MAP4K3: variants seen among roughly 807,000 people sequenced by gnomAD.
MAP4K3 encodes mitogen-activated protein kinase kinase kinase kinase 3.
MAP4K3 carries 94 observed loss-of-function variants against 143.5 expected under a neutral mutation model. The observed-to-expected ratio is 0.65, with a 90% CI of 0.55 to 0.78. The LOEUF (loss-of-function observed/expected upper bound fraction) is 0.78. Among genes scored for constraint, MAP4K3 ranks in the 30% least tolerant of loss-of-function variants. The probability of loss-of-function intolerance (pLI) is 0.00; values close to 1 mark genes in which losing one functional copy is unlikely to be tolerated. For synonymous variants in MAP4K3, 416 were observed against 347.2 expected (o/e 1.20, Z -2.20); for missense variants, 1,077 against 1,068.1 (o/e 1.01, Z -0.12).
At position 39,288,176 on chromosome 2, in the gene MAP4K3, T is replaced by C. The variant is rs769914055; in HGVS notation, c.1419A>G (p.Gln473=). The change falls in exon 20 of 34, where the codon CAA becomes CAG. Residue 473 remains glutamine (Q), a synonymous_variant. Transcript: ENST00000263881. ...TGGGAGGTGGTGGTCTAGGTGGAAC[T>C]TGGGATGGCTTTGCTGGGCTCCCTG... ...PMSGSPAKPS[Q]VPPRPPPPRL... is the part of the protein sequence containing the mutation. The C allele has an allele frequency of 5.0e-6, 8 of 1,614,060 alleles. No individual in the cohort carries two copies. Among genetic ancestry groups the C allele is most frequent in the Non-Finnish European group, 5.9e-6 (7 of 1,180,022 alleles).
intron 31 of MAP4K3, among the ~76,000 whole-genome samples, chr2:39,257,386 C>T (rs1194660834): frequency 6.6e-6 from 1 of 152,138 alleles, no homozygotes; most frequent in East Asian, 1.9e-4. Context: ...ATTCTCTGAG[C>T]AGCAGACACA....
rs78310928 is a variant in MAP4K3, at chr2:39,437,120, G to GGCC, written c.-136_-134dup. The GGCC allele has an allele frequency of 0.018, 9,049 of 513,014 alleles. 190 individuals carry two copies. The highest frequency in any genetic ancestry group is 0.097 in the East Asian group (2,514 of 25,906). The allele number at this position is 513,014 out of a possible 1,614,324, so 31.8% of individuals were successfully genotyped here. On this transcript the variant is annotated 5_prime_UTR_variant, in exon 1 of 34. Transcript: ENST00000263881. The stretch of plus-strand genomic sequence containing the variant: ...TCACAATCACCCGGCTCCACGCTGC[G>GGCC]GCCGCCGCCGCCGCCGCCGCTCCCC...
chr2:39,263,275 T>G (rs1680636818), intron 28 of MAP4K3, among the ~76,000 whole-genome samples: 1 of 149,036 alleles, frequency 6.7e-6, no homozygotes, highest in Non-Finnish European at 1.5e-5. Context: ...TATAGAAGTT[T>G]TTTTTTTTTT....
chr2:39,356,789 A>G (rs1665623391), intron 2 of MAP4K3, among the ~76,000 whole-genome samples: 1 of 152,230 alleles, frequency 6.6e-6, no homozygotes, highest in African/African-American at 2.4e-5. Context: ...TATGCCTTGG[A>G]CATAATCATC....
At chr2:39,361,955 G>T (rs1482505407) in intron 2 of MAP4K3, among the ~76,000 whole-genome samples, 1 of 151,610 alleles carries the variant, frequency 6.6e-6, no homozygotes, top group Middle Eastern at 3.2e-3. Flanking sequence ...TGAGATAAAA[G>T]ACCTGAAAAA....
intron 27 of MAP4K3, among the ~76,000 whole-genome samples, chr2:39,265,700 G>T (rs138942710): frequency 6.6e-6 from 1 of 152,128 alleles, no homozygotes; most frequent in East Asian, 1.9e-4. Flanking sequence ...TGGTTCACAA[G>T]GTGCTTTTGG....
At chr2:39,283,249 A>G (rs1681617729) in intron 21 of MAP4K3, among the ~76,000 whole-genome samples, 1 of 152,150 alleles carries the variant, frequency 6.6e-6, no homozygotes, top group Non-Finnish European at 1.5e-5. Flanking sequence ...CAGAGTGTAC[A>G]TATCACATCA....
intron 26 of MAP4K3, among the ~76,000 whole-genome samples, chr2:39,270,162 G>C (rs1023564863): frequency 3.3e-5 from 5 of 152,176 alleles, no homozygotes; most frequent in African/African-American, 1.2e-4. Flanking sequence ...AGTTCTGAAA[G>C]ACCATAGGGA....
rs1664999403 is a variant in MAP4K3 at position 39,337,433 on chromosome 2, T to C, written c.366+93A>G. Reference sequence around the variant, plus strand: ...ATTTTAAGAGTTTACCAAACTAAAATATTTAGTTCTTACTTTGCTGAACAG... The same window carrying C: ...ATTTTAAGAGTTTACCAAACTAAAACATTTAGTTCTTACTTTGCTGAACAG... On this transcript the variant is annotated intron_variant, in intron 5 of 33. Coordinates refer to ENST00000263881, the MANE Select transcript of MAP4K3 (RefSeq NM_003618.4). 7.2e-6 allele frequency: 6 copies of C among 833,218 alleles called. No individual in the cohort carries two copies. In the South Asian group the frequency reaches 9.1e-5, roughly 13 times the overall value. 51.6% of individuals were successfully genotyped at this position (833,218 alleles called of 1,614,324 possible). A position where few individuals can be genotyped will look rare whatever the true frequency, so the allele number is the denominator to read the frequency against.
intron 12 of MAP4K3, among the ~76,000 whole-genome samples, chr2:39,322,784 C>T (rs1021906669): frequency 1.1e-4 from 16 of 151,700 alleles, no homozygotes; most frequent in Admixed American, 1.3e-4. Context: ...ATTCTCTTGC[C>T]ACAGCCCCCT....
At chr2:39,434,895 T>C (rs538502435) in intron 1 of MAP4K3, among the ~76,000 whole-genome samples, 12 of 152,220 alleles carry the variant, frequency 7.9e-5, no homozygotes, top group Non-Finnish European at 1.8e-4. Context: ...AATGACAAGA[T>C]TAACCAACTT....
chr2:39,332,913 G>A (rs1225808921), intron 7 of MAP4K3, among the ~76,000 whole-genome samples: 2 of 151,794 alleles, frequency 1.3e-5, no homozygotes, highest in Non-Finnish European at 2.9e-5. Context: ...TAAAATAACT[G>A]TTTTCTATTT....
rs572608076 is a variant in MAP4K3, at chr2:39,326,427, C to T, written c.531-150G>A. On this transcript the variant is annotated intron_variant, in intron 8 of 33. Transcript: ENST00000263881. ...ATAAATATGCAGTACTTAAAAGGTC[C>T]ACCTTTTCCAAGATCTTGACATCTC... 5.6e-6 allele frequency: 4 copies of T among 708,756 alleles called. No homozygotes were observed. In the South Asian group the frequency reaches 8.7e-5, roughly 15 times the overall value. 43.9% of individuals were successfully genotyped at this position (708,756 alleles called of 1,614,324 possible).
Position 39,325,565 on chromosome 2 carries a change from T to A in MAP4K3, c.871A>T (p.Asn291Tyr). The change falls in exon 12 of 34, where the codon AAT becomes TAT. Residue 291 changes from asparagine to tyrosine, a missense_variant. This residue lies in a region of MAP4K3 where 864 missense variants were observed against 801.2 expected (regional missense o/e 1.08). Coordinates refer to ENST00000263881, the MANE Select transcript of MAP4K3 (RefSeq NM_003618.4). The part of the protein sequence containing the change: ...LAIELLDKVN[N>Y]PDHSTYHDFD... ...TCATGGTAAGTGGAATGATCTGGAT[T>A]ATTTACTTTATCCAACAGCTCGATT... is the stretch of plus-strand genomic sequence containing the variant. 6.2e-7 allele frequency: 1 copy of A among 1,613,154 alleles called. No homozygotes were observed.
chr2:39,293,375 CTTT>C (rs1359237471), intron 16 of MAP4K3, 107 bp from the exon 17 acceptor site: 1 of 740,626 alleles, frequency 1.4e-6, no homozygotes, highest in Non-Finnish European at 2.2e-6. Flanking sequence ...TGAATGATTA[CTTT>C]TTTACCATTT....
At chr2:39,384,743 T>C (rs1000143621) in intron 1 of MAP4K3, among the ~76,000 whole-genome samples, 1 of 152,216 alleles carries the variant, frequency 6.6e-6, no homozygotes, top group African/African-American at 2.4e-5. Context: ...AAATGAAATA[T>C]TTAAAATTTG....
chr2:39,386,889 C>T (rs1181298396), intron 1 of MAP4K3, among the ~76,000 whole-genome samples: 5 of 148,232 alleles, frequency 3.4e-5, no homozygotes, highest in Non-Finnish European at 3.0e-5. Flanking sequence ...AATCTCAGCT[C>T]GCTGCAACCT....
intron 2 of MAP4K3, among the ~76,000 whole-genome samples, chr2:39,356,713 C>T (rs1665621006): frequency 6.6e-6 from 1 of 152,122 alleles, no homozygotes; most frequent in South Asian, 2.1e-4. Context: ...TGAACCAATA[C>T]ATGTAAAATG....
At chr2:39,436,079 C>G (rs1282646295) in intron 1 of MAP4K3, among the ~76,000 whole-genome samples, 1 of 152,148 alleles carries the variant, frequency 6.6e-6, no homozygotes, top group African/African-American at 2.4e-5. Flanking sequence ...TGGCAACAAC[C>G]TCCTCTCTTC....
Sources: allele counts gnomAD v4.1 joint callset (sites outside exome capture counted in the v4.1 genomes callset), GRCh38; gene constraint gnomAD v4.1.1; regional missense constraint gnomAD v4.1.1; transcripts MANE v1.5; gene names NCBI Gene and HGNC (gene_info 2026-07-23, HGNC 2026-07-21).